Variants in ESRRB observed in about 807,000 individuals in gnomAD.
ESRRB encodes estrogen related receptor beta.
Under a neutral mutation model 46.0 loss-of-function variants are expected in ESRRB, and 16 were observed. The observed-to-expected ratio is 0.35, with a 90% CI of 0.24 to 0.53. The LOEUF (loss-of-function observed/expected upper bound fraction) is 0.53. Ranked by LOEUF, ESRRB falls within the 20% of genes least tolerant of loss-of-function variation. The pLI, the probability that ESRRB is intolerant of heterozygous loss-of-function variation, is 0.93. For synonymous variants in ESRRB, 246 were observed against 259.6 expected (o/e 0.95, Z 0.50); for missense variants, 488 against 607.4 (o/e 0.80, Z 2.07).
intron 2 of ESRRB, among the ~76,000 whole-genome samples, chr14:76,453,826 G>A (rs1377040239): frequency 6.6e-6 from 1 of 152,050 alleles, no homozygotes; most frequent in Non-Finnish European, 1.5e-5. Context: ...TGTCCAGGCT[G>A]GTCTTGAACA....
chr14:76,464,270 C>T (rs1252166933), intron 3 of ESRRB, among the ~76,000 whole-genome samples: 1 of 152,212 alleles, frequency 6.6e-6, no homozygotes, highest in African/African-American at 2.4e-5. Flanking sequence ...GAGTGGGCTT[C>T]TGGAAGCCCA....
In ESRRB at chr14:76,491,699, T is replaced by G. The variant is rs1295974245; in HGVS notation, c.1103T>G (p.Leu368Arg). 1 of 1,582,380 alleles carries G rather than the reference T, an allele frequency of 6.3e-7. No individual in the cohort carries two copies. The highest frequency in any genetic ancestry group is 8.6e-7 in the Non-Finnish European group (1 of 1,166,166). The stretch of plus-strand genomic sequence containing the variant: ...GAGGAGTTTGTGACGCTCAAGGCCC[T>G]GGCCCTCGCCAACTCCGGTAAGGGC... ...EKEEFVTLKALALANSDSMYI... is the reference protein window; with the variant it reads ...EKEEFVTLKARALANSDSMYI... Residue 368 changes from leucine (L) to arginine (R), a missense_variant, in exon 6 of 7, where the codon CTG becomes CGG. Transcript: ENST00000644823.
At chr14:76,321,529 T>C (rs1202753494) in intron 1 of ESRRB, among the ~76,000 whole-genome samples, 1 of 152,236 alleles carries the variant, frequency 6.6e-6, no homozygotes. Context: ...CTCCTTGTGT[T>C]AACTGTACCC....
At chr14:76,442,614 A>G (rs34161723) in intron 2 of ESRRB, among the ~76,000 whole-genome samples, 17,377 of 152,196 alleles carry the variant, frequency 0.11, 1,067 homozygotes, top group Admixed American at 0.14. Flanking sequence ...TAAGTGCCAA[A>G]CAAATGTTTG....
intron 1 of ESRRB, among the ~76,000 whole-genome samples, chr14:76,340,788 A>T (rs1049581967): frequency 6.6e-5 from 10 of 152,222 alleles, no homozygotes; most frequent in Non-Finnish European, 1.0e-4. Flanking sequence ...ACAAGGCACA[A>T]TGCAGCAGGT....
rs548481433 is a variant in ESRRB, at chr14:76,418,717, G to A, written c.51-20624G>A. On this transcript the variant is annotated intron_variant, in intron 1 of 6. Transcript: ENST00000644823. ...ATAACCTCCCACCTCCTGGGTTCAA[G>A]TGATTCTCGTGCCTCAGCCTCCCTA... 5.9e-5 allele frequency among the ~76,000 whole-genome samples: 9 copies of A among 152,028 alleles called. No homozygotes were observed. The South Asian group carries it at 1.9e-3, about 32-fold the overall frequency.
intron 2 of ESRRB, among the ~76,000 whole-genome samples, chr14:76,441,663 T>G (rs1340464473): frequency 2.0e-5 from 3 of 152,222 alleles, no homozygotes; most frequent in African/African-American, 7.2e-5. Flanking sequence ...TAGAGCACTT[T>G]CATTCAGTTA....
At chr14:76,324,259 C>G (rs990815136) in intron 1 of ESRRB, among the ~76,000 whole-genome samples, 1 of 152,194 alleles carries the variant, frequency 6.6e-6, no homozygotes, top group Non-Finnish European at 1.5e-5. Flanking sequence ...ACAGACTGGT[C>G]AGTTCCAACC....
chr14:76,491,241 C>T (rs368322531), intron 5 of ESRRB, among the ~76,000 whole-genome samples: 2 of 152,210 alleles, frequency 1.3e-5, no homozygotes, highest in South Asian at 2.1e-4. Context: ...AAGTCTTTTC[C>T]GTGAATTCCA....
intron 1 of ESRRB, among the ~76,000 whole-genome samples, chr14:76,377,320 T>C (rs1390117423): frequency 2.6e-5 from 4 of 152,140 alleles, no homozygotes; most frequent in Non-Finnish European, 1.5e-5. Context: ...AACCCGCGTG[T>C]CATGTCCGGG....
Position 76,380,076 on chromosome 14 carries a change from C to T in ESRRB, c.50+3625C>T, listed in dbSNP as rs1264348285. On this transcript the variant is annotated intron_variant, in intron 1 of 6. Transcript: ENST00000644823. ...AGCACCCCTGGCCCTAGCTCGGGGG[C>T]CCTTATAACTTTGTCCTGCGTGTGC... Among the ~76,000 whole-genome samples the T allele has an allele frequency of 6.6e-5, 10 of 152,210 alleles. No individual in the cohort carries two copies. In the South Asian group the frequency reaches 2.1e-3, roughly 32 times the overall value.
At chr14:76,448,662 C>A (rs1017828515) in intron 2 of ESRRB, among the ~76,000 whole-genome samples, 1 of 151,898 alleles carries the variant, frequency 6.6e-6, no homozygotes, top group African/African-American at 2.4e-5. Flanking sequence ...TTCACTTAAC[C>A]CCATGTCCTC....
At chr14:76,445,481 A>AG (rs1888101119) in intron 2 of ESRRB, among the ~76,000 whole-genome samples, 3 of 124,042 alleles carry the variant, frequency 2.4e-5, no homozygotes, top group Admixed American at 1.4e-4. Context: ...AAAAAAAAAA[A>AG]AAAAGAAAGA....
chr14:76,493,163 A>AT (rs148136238), intron 6 of ESRRB, among the ~76,000 whole-genome samples: 1,904 of 150,868 alleles, frequency 0.013, 17 homozygotes, highest in East Asian at 0.036. Flanking sequence ...ATTTTATTTT[A>AT]TTTTTTTTTG....
intron 3 of ESRRB, among the ~76,000 whole-genome samples, chr14:76,469,358 G>A (rs1439712856): frequency 6.6e-6 from 1 of 152,028 alleles, no homozygotes; most frequent in Non-Finnish European, 1.5e-5. Context: ...GCCTCCCCAA[G>A]TGCTGGGATT....
At chr14:76,325,746 G>A (rs1883922382) in intron 1 of ESRRB, among the ~76,000 whole-genome samples, 1 of 152,178 alleles carries the variant, frequency 6.6e-6, no homozygotes, top group Non-Finnish European at 1.5e-5. Flanking sequence ...AAACAAGTAG[G>A]GCTTGGATAC....
rs1250088226 is a variant in ESRRB, at chr14:76,439,559, G to A, written c.269G>A (p.Gly90Asp). The A allele has an allele frequency of 6.2e-7, 1 of 1,613,888 alleles. No individual in the cohort carries two copies. The highest frequency in any genetic ancestry group is 8.5e-7 in the Non-Finnish European group (1 of 1,180,012). The change falls in exon 2 of 7, where the codon GGC becomes GAC. Residue 90 changes from glycine (G) to aspartate (D), a missense_variant. Physicochemically the swap from Gly to Asp is moderately conservative, Grantham distance 94. Transcript: ENST00000644823. ...ATGTTTGCAGGCGCCGGGCTGGGAGGCACCCCATGCCGCAAGAGCTACGAG... is the reference window on the plus strand; with the variant it reads ...ATGTTTGCAGGCGCCGGGCTGGGAGACACCCCATGCCGCAAGAGCTACGAG... ...PPMFAGAGLGGTPCRKSYEDC... is the reference protein window; with the variant it reads ...PPMFAGAGLGDTPCRKSYEDC...
upstream of ESRRB, among the ~76,000 whole-genome samples, chr14:76,374,805 C>T (rs1884708027): frequency 6.6e-6 from 1 of 152,140 alleles, no homozygotes; most frequent in Non-Finnish European, 1.5e-5. Flanking sequence ...GAGCCTTGCG[C>T]CCAGAGAATC....
In ESRRB at chr14:76,376,421, G is replaced by A; in HGVS notation, c.20G>A (p.Cys7Tyr). The change falls in exon 1 of 7, where the codon TGC becomes TAC. Residue 7 changes from cysteine (C) to tyrosine (Y), a missense_variant. Cys to Tyr is a radical substitution (Grantham distance 194). Transcript: ENST00000644823. The surrounding 1 kb of genome is among the most constrained non-coding windows in gnomAD (Gnocchi z 4.1). MDVSEL[C>Y]IPDPLGYHNQ... Reference sequence around the variant, plus strand: ...GGACTGATGGACGTGTCCGAACTCTGCATCCCGGACCCCCTCGGCTACCAC... The same window carrying A: ...GGACTGATGGACGTGTCCGAACTCTACATCCCGGACCCCCTCGGCTACCAC... 1 of 1,231,684 alleles carries A rather than the reference G, an allele frequency of 8.1e-7. No individual in the cohort carries two copies. The highest frequency in any genetic ancestry group is 1.0e-6 in the Non-Finnish European group (1 of 987,980). 76.3% of individuals were successfully genotyped at this position (1,231,684 alleles called of 1,614,324 possible). A position where few individuals can be genotyped will look rare whatever the true frequency, so the allele number is the denominator to read the frequency against.
Sources: gnomAD v4.1 joint callset for allele counts (sites outside exome capture counted in the v4.1 genomes callset) on GRCh38, gnomAD v4.1.1 for gene constraint, Gnocchi (gnomAD v3.1) non-coding constraint, MANE v1.5 for transcripts, NCBI Gene and HGNC (gene_info 2026-07-23, HGNC 2026-07-21) for gene names.